The following ATF2 variants were observed in gnomAD, a reference collection of about 807,000 sequenced individuals.
The protein encoded by ATF2 is cyclic AMP-dependent transcription factor ATF-2.
ATF2 carries 24 observed loss-of-function variants against 60.6 expected under a neutral mutation model. The observed-to-expected ratio is 0.40, with a 90% confidence interval of 0.29 to 0.56. The LOEUF is 0.56. Ranked by LOEUF, ATF2 falls within the 20% of genes least tolerant of loss-of-function variation. ATF2 has a pLI of 0.54. For missense variants in ATF2, 433 were observed against 607.7 expected, an observed-to-expected ratio of 0.71 and a Z score of 3.02; for synonymous variants, 206 against 215.4, an observed-to-expected ratio of 0.96 and a Z score of 0.38.
intron 2 of ATF2, among the ~76,000 whole-genome samples, chr2:175,137,513 A>G (rs1171967107): frequency 2.6e-5 from 4 of 152,206 alleles, no homozygotes; most frequent in Non-Finnish European, 5.9e-5. Flanking sequence ...TTAAACATCA[A>G]CTATACACAG....
chr2:175,135,124 T>A (rs191067993), intron 3 of ATF2, among the ~76,000 whole-genome samples: 11 of 147,182 alleles, frequency 7.5e-5, no homozygotes, highest in Admixed American at 6.1e-4. Flanking sequence ...GAGGAACAAG[T>A]GGAAGAGGAA....
rs1332390071 is a variant in ATF2 at position 175,097,307 on chromosome 2, C to T, written c.978+137G>A. 12 of 1,240,568 alleles carry T rather than the reference C, an allele frequency of 9.7e-6. No homozygotes were observed. In the East Asian group the frequency reaches 2.2e-4, roughly 22 times the overall value. The allele number at this position is 1,240,568 out of a possible 1,614,324, so 76.8% of individuals were successfully genotyped here. A position where few individuals can be genotyped will look rare whatever the true frequency, so the allele number is the denominator to read the frequency against. ...GTATCAATACTTGTATACTGAGCTA[C>T]CTTTTCCTGAGGCTTTTGATACATC... is the stretch of plus-strand genomic sequence containing the variant. On this transcript the variant is annotated intron_variant, in intron 11 of 13. Coordinates refer to ENST00000264110, the MANE Select transcript of ATF2 (RefSeq NM_001880.4).
intron 10 of ATF2, among the ~76,000 whole-genome samples, chr2:175,099,607 T>C (rs370617262): frequency 1.3e-5 from 2 of 152,250 alleles, no homozygotes; most frequent in African/African-American, 4.8e-5. Flanking sequence ...ATACATTGTA[T>C]AGCCTTTTGA....
At chr2:175,109,196 CTG>C (rs1162176718) in intron 10 of ATF2, among the ~76,000 whole-genome samples, 1 of 110,696 alleles carries the variant, frequency 9.0e-6, no homozygotes, top group East Asian at 3.0e-4. Context: ...AAAAAAAAGA[CTG>C]TGTATGGTAG....
rs61457077 is a variant in ATF2 at position 175,076,971 on chromosome 2, C to G, written c.1292-2136G>C. ...CCTCCCCCCACCCCACAACAGGCCCCGGTGTGTGATGTTCCCCTTCCTATG... is the reference window on the plus strand; with the variant it reads ...CCTCCCCCCACCCCACAACAGGCCCGGGTGTGTGATGTTCCCCTTCCTATG... On this transcript the variant is annotated intron_variant, in intron 13 of 13. Transcript: ENST00000264110. 1.0e-3 allele frequency among the ~76,000 whole-genome samples: 133 copies of G among 132,470 alleles called. 1 individual carries two copies. The highest frequency in any genetic ancestry group is 3.6e-3 in the African/African-American group (130 of 36,238). The allele number at this position is 132,470 out of a possible 152,430, so 86.9% of individuals were successfully genotyped here.
intron 10 of ATF2, among the ~76,000 whole-genome samples, chr2:175,110,711 T>C (rs1382686546): frequency 1.3e-5 from 2 of 152,108 alleles, no homozygotes; most frequent in East Asian, 3.9e-4. Flanking sequence ...TTCAAGCAAA[T>C]TCTTGTGCCT....
At chr2:175,160,749 A>G (rs1170185982) in intron 1 of ATF2, among the ~76,000 whole-genome samples, 1 of 152,092 alleles carries the variant, frequency 6.6e-6, no homozygotes, top group East Asian at 1.9e-4. Context: ...TTGGTGGAGT[A>G]GAAGAAAAGA....
At position 175,145,122 on chromosome 2, in the gene ATF2, C is replaced by T. The variant is rs531383611; in HGVS notation, c.-44+5938G>A. On this transcript the variant is annotated intron_variant, in intron 2 of 13. Transcript: ENST00000264110. ...ATATAGATGTTAATGTGTATATGCA[C>T]GCATATGTGGTCATGTAGGTCCCTA... Among the ~76,000 whole-genome samples, 3 of 152,134 alleles carry T rather than the reference C, an allele frequency of 2.0e-5. No homozygotes were observed. In the South Asian group the frequency reaches 6.2e-4, roughly 32 times the overall value.
chr2:175,103,347 AT>A (rs1695430163), intron 10 of ATF2, among the ~76,000 whole-genome samples: 1 of 152,206 alleles, frequency 6.6e-6, no homozygotes, highest in Non-Finnish European at 1.5e-5. Flanking sequence ...CAGCAAGTTA[AT>A]TATCATTATT....
At chr2:175,167,311 C>CATA (rs1700421594) in intron 1 of ATF2, among the ~76,000 whole-genome samples, 1 of 151,750 alleles carries the variant, frequency 6.6e-6, no homozygotes, top group Non-Finnish European at 1.5e-5. Context: ...CTGCTGTCCA[C>CATA]CCAGAGATTT....
intron 12 of ATF2, among the ~76,000 whole-genome samples, chr2:175,087,984 C>T (rs1244753793): frequency 1.3e-5 from 2 of 152,142 alleles, no homozygotes; most frequent in South Asian, 2.1e-4. Flanking sequence ...TTATCCACAT[C>T]TAATAATATG....
At position 175,142,309 on chromosome 2, in the gene ATF2, C is replaced by T. The variant is rs554761852; in HGVS notation, c.-43-5823G>A. On this transcript the variant is annotated intron_variant, in intron 2 of 13. Transcript: ENST00000264110. ...CAAGCCTCCAGAGTAGCCGGGATTA[C>T]AGGCACGCACCACCACTCCCGGCTA... 3.3e-5 allele frequency among the ~76,000 whole-genome samples: 5 copies of T among 151,510 alleles called. No individual in the cohort carries two copies. The East Asian group carries it at 9.7e-4, about 30-fold the overall frequency.
intron 3 of ATF2, among the ~76,000 whole-genome samples, chr2:175,135,724 G>A (rs1187796468): frequency 6.6e-6 from 1 of 152,088 alleles, no homozygotes; most frequent in East Asian, 1.9e-4. Context: ...AATGCAAAAA[G>A]ACATCTCTGA....
At chr2:175,162,356 A>T (rs1434277939) in intron 1 of ATF2, among the ~76,000 whole-genome samples, 1 of 152,234 alleles carries the variant, frequency 6.6e-6, no homozygotes, top group Non-Finnish European at 1.5e-5. Flanking sequence ...TTCATTAATC[A>T]TAACTCCCAA....
At chr2:175,150,601 A>AT (rs1424709690) in intron 2 of ATF2, among the ~76,000 whole-genome samples, 12 of 152,118 alleles carry the variant, frequency 7.9e-5, no homozygotes, top group Admixed American at 2.6e-4. Flanking sequence ...AACTTAGTTG[A>AT]TATCATTCAA....
At chr2:175,080,862 G>A (rs1402744639) in intron 12 of ATF2, 97 bp from the exon 13 acceptor site, 2 of 885,862 alleles carry the variant, frequency 2.3e-6, no homozygotes, top group South Asian at 1.7e-5. Flanking sequence ...GGACATCACT[G>A]GCAGAACATT....
At chr2:175,160,820 C>G (rs1365395318) in intron 1 of ATF2, among the ~76,000 whole-genome samples, 1 of 151,982 alleles carries the variant, frequency 6.6e-6, no homozygotes, top group Non-Finnish European at 1.5e-5. Flanking sequence ...GTGGGAGGAT[C>G]GCTTGAGCCT....
rs985924834 is a variant in ATF2 at position 175,072,620 on chromosome 2, T to C, written c.*1989A>G. On this transcript the variant is annotated 3_prime_UTR_variant, in exon 14 of 14. Transcript: ENST00000264110. ...AAAAATGTACTGAAGGACTTAAGAGTGAAAAATTGAGGCTTTTCCTAACCC... is the reference window on the plus strand; with the variant it reads ...AAAAATGTACTGAAGGACTTAAGAGCGAAAAATTGAGGCTTTTCCTAACCC... 1 of 152,016 alleles carries C rather than the reference T, an allele frequency of 6.6e-6. No homozygotes were observed. Among genetic ancestry groups the C allele is most frequent in the Admixed American group, 6.6e-5 (1 of 15,236 alleles). The allele number at this position is 152,016 out of a possible 1,614,324, so 9.4% of individuals were successfully genotyped here. A position where few individuals can be genotyped will look rare whatever the true frequency, so the allele number is the denominator to read the frequency against.
intron 1 of ATF2, among the ~76,000 whole-genome samples, chr2:175,157,265 G>A (rs921769657): frequency 3.3e-5 from 5 of 152,194 alleles, no homozygotes; most frequent in African/African-American, 9.7e-5. Flanking sequence ...AAAACAATAA[G>A]GCTGGATCTG....
Sources: allele counts gnomAD v4.1 joint callset (sites outside exome capture counted in the v4.1 genomes callset), GRCh38; gene constraint gnomAD v4.1.1; transcripts MANE v1.5; gene names NCBI Gene and HGNC (gene_info 2026-07-23, HGNC 2026-07-21).